The following VSTM4 variants were observed in gnomAD, a reference collection of about 807,000 sequenced individuals.
VSTM4 encodes V-set and transmembrane domain containing 4, also known as V-set and transmembrane domain-containing protein 4.
In VSTM4, 20 loss-of-function variants were observed where a neutral mutation model predicts 36.4. The ratio of observed to expected loss-of-function variants is 0.55; its 90% confidence interval spans 0.39 to 0.80. VSTM4 has a LOEUF of 0.80. VSTM4 is among the 30% of genes least tolerant of loss of function. The probability of loss-of-function intolerance (pLI) is 0.00; values close to 1 mark genes in which losing one functional copy is unlikely to be tolerated. For synonymous variants in VSTM4, 182 were observed against 173.9 expected (o/e 1.05, Z -0.37); for missense variants, 392 against 404.5 (o/e 0.97, Z 0.26).
chr10:49,109,151 A>G (rs1465005686), intron 1 of VSTM4, among the ~76,000 whole-genome samples: 1 of 152,086 alleles, frequency 6.6e-6, no homozygotes, highest in Non-Finnish European at 1.5e-5. Context: ...AGGTGTCCCC[A>G]TGGTCATCCC....
At chr10:49,081,167 C>G (rs1844271631) in intron 3 of VSTM4, among the ~76,000 whole-genome samples, 1 of 152,216 alleles carries the variant, frequency 6.6e-6, no homozygotes, top group African/African-American at 2.4e-5. Context: ...TCCTGCCTTT[C>G]CACATTGGTC....
chr10:49,110,077 C>T (rs1259733335), intron 1 of VSTM4, among the ~76,000 whole-genome samples: 2 of 152,162 alleles, frequency 1.3e-5, no homozygotes, highest in East Asian at 1.9e-4. Context: ...AGAGCAGCAA[C>T]GATGCAGCAG....
intron 1 of VSTM4, among the ~76,000 whole-genome samples, chr10:49,108,569 G>A (rs1844834650): frequency 6.6e-6 from 1 of 152,232 alleles, no homozygotes; most frequent in Admixed American, 6.5e-5. Flanking sequence ...CAGGGCAGAT[G>A]AGTAGTAAGG....
In VSTM4 at chr10:49,110,214, C is replaced by T. The variant is rs76693270; in HGVS notation, c.56-2219G>A. On this transcript the variant is annotated intron_variant, in intron 1 of 7. Coordinates refer to ENST00000332853, the MANE Select transcript of VSTM4 (RefSeq NM_001031746.5). ...GGATGAGAGTGCAGCCGGGACCCCA[C>T]GCCCCAGGCTCCTCCTATTAATGCT... is the stretch of plus-strand genomic sequence containing the variant. Among the ~76,000 whole-genome samples, 556 of 152,308 alleles carry T rather than the reference C, an allele frequency of 3.7e-3. 1 individual carries two copies. Among genetic ancestry groups the T allele is most frequent in the South Asian group, 4.8e-3 (23 of 4,826 alleles).
chr10:49,051,986 T>A (rs1388596581), intron 5 of VSTM4, among the ~76,000 whole-genome samples: 1 of 152,194 alleles, frequency 6.6e-6, no homozygotes, highest in Non-Finnish European at 1.5e-5. Flanking sequence ...AGTGAGGAAA[T>A]AAGCCGATGT....
chr10:49,021,597 G>A (rs955068119), intron 7 of VSTM4, among the ~76,000 whole-genome samples: 1 of 152,022 alleles, frequency 6.6e-6, no homozygotes, highest in South Asian at 2.1e-4. Flanking sequence ...CAAGCATCTC[G>A]GACACAGATG....
chr10:49,073,419 C>T (rs1470299176), intron 4 of VSTM4, among the ~76,000 whole-genome samples: 1 of 152,232 alleles, frequency 6.6e-6, no homozygotes, highest in Non-Finnish European at 1.5e-5. Flanking sequence ...CTGCATATCC[C>T]CACCTTCTCA....
At chr10:49,095,931 G>A (rs1590127426) in intron 2 of VSTM4, among the ~76,000 whole-genome samples, 1 of 152,318 alleles carries the variant, frequency 6.6e-6, no homozygotes, top group East Asian at 1.9e-4. Context: ...ATGCATGTTT[G>A]TGAGATTAAG....
Position 49,016,191 on chromosome 10 carries a change from T to C in VSTM4, c.*3459A>G, listed in dbSNP as rs1378348582. The C allele has an allele frequency of 6.6e-6, 1 of 152,256 alleles. No individual in the cohort carries two copies. The highest frequency in any genetic ancestry group is 1.5e-5 in the Non-Finnish European group (1 of 68,068). 9.4% of individuals were successfully genotyped at this position (152,256 alleles called of 1,614,324 possible). A position where few individuals can be genotyped will look rare whatever the true frequency, so the allele number is the denominator to read the frequency against. ...AACTTTGATGCATACTGTATTCATATTCTTTATGCAACCTGACTGGCTTGA... is the reference window on the plus strand; with the variant it reads ...AACTTTGATGCATACTGTATTCATACTCTTTATGCAACCTGACTGGCTTGA... On this transcript the variant is annotated 3_prime_UTR_variant, in exon 8 of 8. Transcript: ENST00000332853.
At chr10:49,085,684 C>A (rs1844357119) in intron 3 of VSTM4, among the ~76,000 whole-genome samples, 1 of 151,884 alleles carries the variant, frequency 6.6e-6, no homozygotes, top group African/African-American at 2.4e-5. Context: ...AGTTAGGGTC[C>A]TTTCTTTATA....
intron 4 of VSTM4, 63 bp from the exon 5 acceptor site, chr10:49,064,799 G>A (rs1243807185): frequency 2.7e-5 from 42 of 1,549,066 alleles, no homozygotes; most frequent in Non-Finnish European, 3.7e-5. Flanking sequence ...TATGCTCCAG[G>A]AATTACAAGG....
At chr10:49,029,639 C>G (rs1041081981) in intron 7 of VSTM4, among the ~76,000 whole-genome samples, 1 of 152,242 alleles carries the variant, frequency 6.6e-6, no homozygotes, top group African/African-American at 2.4e-5. Flanking sequence ...AGCAGACAGG[C>G]AGACAGCAGT....
At chr10:49,054,694 A>G (rs1258297508) in intron 5 of VSTM4, among the ~76,000 whole-genome samples, 2 of 152,214 alleles carry the variant, frequency 1.3e-5, no homozygotes, top group Non-Finnish European at 2.9e-5. Context: ...ATTATAACTA[A>G]GAAGCATGCA....
At position 49,115,457 on chromosome 10, in the gene VSTM4, G is replaced by A; in HGVS notation, c.29C>T (p.Ala10Val). Residue 10 changes from alanine to valine, a missense_variant, in exon 1 of 8, where the codon GCG (alanine) becomes GTG (valine). By Grantham distance (64) the Ala-to-Val change is moderately conservative. Transcript: ENST00000332853. ...CGGAGCCGGAGCCCGCGCCAGCAGC[G>A]CGGCCGCCGCCAGTGCCAGCAGCCG... MRLLALAAA[A>V]LLARAPAPEV... 5 of 1,038,772 alleles carry A rather than the reference G, an allele frequency of 4.8e-6. No homozygotes were observed. The highest frequency in any genetic ancestry group is 5.8e-6 in the Non-Finnish European group (5 of 859,744). 64.3% of individuals were successfully genotyped at this position (1,038,772 alleles called of 1,614,324 possible).
At chr10:49,041,770 T>C (rs1311980070) in intron 7 of VSTM4, among the ~76,000 whole-genome samples, 1 of 152,168 alleles carries the variant, frequency 6.6e-6, no homozygotes, top group Non-Finnish European at 1.5e-5. Context: ...TCTTAAATAG[T>C]GTTGTTTGTT....
At chr10:49,038,666 C>T (rs1378185185) in intron 7 of VSTM4, among the ~76,000 whole-genome samples, 1 of 152,148 alleles carries the variant, frequency 6.6e-6, no homozygotes, top group African/African-American at 2.4e-5. Flanking sequence ...ATATCCCATG[C>T]ACACTGAGGT....
intron 4 of VSTM4, among the ~76,000 whole-genome samples, chr10:49,065,826 A>T (rs563780083): frequency 6.6e-5 from 10 of 152,290 alleles, no homozygotes; most frequent in African/African-American, 2.4e-4. Context: ...CAGCTTCCAA[A>T]GTAAGATGAG....
intron 3 of VSTM4, 35 bp from the exon 4 acceptor site, chr10:49,077,361 C>T: frequency 6.2e-7 from 1 of 1,600,600 alleles, no homozygotes. Context: ...AGTCAGCCTT[C>T]TGGGGGCCGC....
chr10:49,026,267 G>T (rs1366542851), intron 7 of VSTM4, among the ~76,000 whole-genome samples: 2 of 152,190 alleles, frequency 1.3e-5, no homozygotes, highest in African/African-American at 2.4e-5. Context: ...TCTACCCAGG[G>T]TCTCCAGGTT....
Sources: allele counts gnomAD v4.1 joint callset (sites outside exome capture counted in the v4.1 genomes callset), GRCh38; gene constraint gnomAD v4.1.1; transcripts MANE v1.5; gene names NCBI Gene and HGNC (gene_info 2026-07-23, HGNC 2026-07-21).